The following AFG2A variants were observed in gnomAD, a reference collection of about 807,000 sequenced individuals.
AFG2A encodes the protein ATPase family gene 2 protein homolog A.
the AFG2A span, among the ~76,000 whole-genome samples, chr4:123,183,277 G>T: frequency 2.0e-5 from 3 of 152,046 alleles, no homozygotes; most frequent in African/African-American, 7.2e-5. Flanking sequence ...ATTTCATTGA[G>T]GTATTTTGAG....
the AFG2A span, among the ~76,000 whole-genome samples, chr4:123,145,086 G>GATTC: frequency 2.0e-5 from 3 of 152,048 alleles, no homozygotes; most frequent in African/African-American, 7.2e-5. Flanking sequence ...AAAAGGCAGA[G>GATTC]ATTCACTCTC....
chr4:123,002,745 CT>C, the AFG2A span, among the ~76,000 whole-genome samples: 1 of 152,062 alleles, frequency 6.6e-6, no homozygotes, highest in Non-Finnish European at 1.5e-5. Flanking sequence ...ACATTTTTTC[CT>C]TCATTTTAAC....
chr4:123,087,074 A>G, the AFG2A span, among the ~76,000 whole-genome samples: 1 of 152,142 alleles, frequency 6.6e-6, no homozygotes, highest in African/African-American at 2.4e-5. Flanking sequence ...TTTGATGTGT[A>G]CTCAATTTCT....
the AFG2A span, among the ~76,000 whole-genome samples, chr4:123,158,485 G>C: frequency 6.6e-6 from 1 of 152,100 alleles, no homozygotes; most frequent in Admixed American, 6.5e-5. Context: ...ATTTAAATAG[G>C]TATAACAATA....
chr4:122,934,621 C>T, the AFG2A span: 4 of 1,613,754 alleles, frequency 2.5e-6, no homozygotes, highest in African/African-American at 5.3e-5. Flanking sequence ...TTCAAAAGAG[C>T]AAGACAACCA....
the AFG2A span, among the ~76,000 whole-genome samples, chr4:123,085,775 C>T: frequency 6.7e-6 from 1 of 149,390 alleles, no homozygotes; most frequent in African/African-American, 2.4e-5. Context: ...TTCTTCATTC[C>T]CATTTCTTCT....
the AFG2A span, among the ~76,000 whole-genome samples, chr4:122,939,633 ATT>A: frequency 2.0e-5 from 3 of 147,602 alleles, no homozygotes; most frequent in African/African-American, 7.4e-5. Flanking sequence ...GTCATTTAGA[ATT>A]TTTTTTTTTT....
chr4:123,190,264 T>G, the AFG2A span, among the ~76,000 whole-genome samples: 1 of 152,208 alleles, frequency 6.6e-6, no homozygotes, highest in Non-Finnish European at 1.5e-5. Context: ...GCAGGTGATG[T>G]GGTGACTGTA....
the AFG2A span, among the ~76,000 whole-genome samples, chr4:123,218,707 C>T: frequency 6.6e-6 from 1 of 152,042 alleles, no homozygotes; most frequent in Non-Finnish European, 1.5e-5. Context: ...GGCCTACCTT[C>T]TATTTTCTGC....
the AFG2A span, among the ~76,000 whole-genome samples, chr4:122,965,994 G>A: frequency 6.6e-6 from 1 of 152,146 alleles, no homozygotes; most frequent in African/African-American, 2.4e-5. Context: ...CTTATTTAAA[G>A]TTGTGCCTGA....
chr4:123,259,015 C>A, the AFG2A span, among the ~76,000 whole-genome samples: 1 of 151,788 alleles, frequency 6.6e-6, no homozygotes, highest in Non-Finnish European at 1.5e-5. Flanking sequence ...TACAGGCACC[C>A]ACCACCACGC....
At chr4:122,936,839 G>C in the AFG2A span, among the ~76,000 whole-genome samples, 5 of 152,180 alleles carry the variant, frequency 3.3e-5, no homozygotes, top group African/African-American at 1.2e-4. Context: ...AATTAGCCAG[G>C]TGTGGTGGCA....
the AFG2A span, among the ~76,000 whole-genome samples, chr4:123,268,109 ATGAAT>A: frequency 6.6e-6 from 1 of 152,082 alleles, no homozygotes; most frequent in African/African-American, 2.4e-5. Flanking sequence ...TTTCCTAAAT[ATGAAT>A]TGAAAACTAA....
chr4:122,954,624 T>G, the AFG2A span, among the ~76,000 whole-genome samples: 1 of 152,236 alleles, frequency 6.6e-6, no homozygotes, highest in Admixed American at 6.5e-5. Flanking sequence ...TTTGTCATCC[T>G]GTTTCTGCAG....
the AFG2A span, among the ~76,000 whole-genome samples, chr4:123,146,590 AAT>A: frequency 7.9e-5 from 12 of 152,320 alleles, no homozygotes; most frequent in Non-Finnish European, 1.6e-4. Context: ...TCTGTTTAAT[AAT>A]AGACATCAGA....
At chr4:123,170,564 T>C in the AFG2A span, among the ~76,000 whole-genome samples, 1 of 152,196 alleles carries the variant, frequency 6.6e-6, no homozygotes, top group South Asian at 2.1e-4. Context: ...TACCTGAGTT[T>C]CTTTTGGTAA....
chr4:123,186,951 C>T, the AFG2A span, among the ~76,000 whole-genome samples: 7 of 152,038 alleles, frequency 4.6e-5, no homozygotes, highest in African/African-American at 1.2e-4. Context: ...CACTGAGCTA[C>T]CCAAAAGACT....
At chr4:123,103,552 T>G in the AFG2A span, among the ~76,000 whole-genome samples, 1 of 152,106 alleles carries the variant, frequency 6.6e-6, no homozygotes. Context: ...TGTAGTAGCT[T>G]TATTCATAAT....
At chr4:123,169,727 C>T in the AFG2A span, among the ~76,000 whole-genome samples, 1 of 152,092 alleles carries the variant, frequency 6.6e-6, no homozygotes, top group African/African-American at 2.4e-5. Flanking sequence ...ATGATCCGTC[C>T]GCCTCTGCCT....
Sources: allele counts gnomAD v4.1 joint callset (sites outside exome capture counted in the v4.1 genomes callset), GRCh38; gene constraint gnomAD v4.1.1; transcripts MANE v1.5; gene names NCBI Gene and HGNC (gene_info 2026-07-23, HGNC 2026-07-21).